Variants in DMXL2 observed in about 807,000 individuals in gnomAD.
The protein encoded by DMXL2 is dmX-like protein 2.
DMXL2 carries 103 observed loss-of-function variants against 331.1 expected under a neutral mutation model. The observed-to-expected ratio is 0.31, with a 90% CI of 0.27 to 0.37. The LOEUF is 0.37. Among genes scored for constraint, DMXL2 ranks in the 10% least tolerant of loss-of-function variants. DMXL2 has a pLI of 1.00. For synonymous variants in DMXL2, 1,281 were observed against 1,252.1 expected (o/e 1.02, Z -0.49); for missense variants, 3,171 against 3,642.9 (o/e 0.87, Z 3.33).
intron 33 of DMXL2, chr15:51,463,103 A>C (rs942294790): frequency 4.5e-6 from 1 of 223,868 alleles, no homozygotes; most frequent in African/African-American, 2.3e-5. Context: ...GCCATCCATC[A>C]CAATGTTTAT....
At position 51,561,478 on chromosome 15, in the gene DMXL2, C is replaced by T. The variant is rs77036595; in HGVS notation, c.567+1903G>A. Reference sequence around the variant, plus strand: ...CCAGACAGGCCAGTTCTGAGGCACCCGTGGTGGCAGAGGCAGGCCAGGCAT... The same window carrying T: ...CCAGACAGGCCAGTTCTGAGGCACCTGTGGTGGCAGAGGCAGGCCAGGCAT... On this transcript the variant is annotated intron_variant, in intron 6 of 43. Transcript: ENST00000560891. Among the ~76,000 whole-genome samples, 949 of 152,202 alleles carry T rather than the reference C, an allele frequency of 6.2e-3. 8 individuals are homozygous for T. Among genetic ancestry groups the T allele is most frequent in the African/African-American group, 0.022 (911 of 41,504 alleles).
chr15:51,501,702 C>G (rs1471770290), intron 17 of DMXL2, among the ~76,000 whole-genome samples: 1 of 151,178 alleles, frequency 6.6e-6, no homozygotes. Flanking sequence ...GGGCGGATCA[C>G]AAGGTCAGGA....
chr15:51,460,002 T>C lies in DMXL2; in HGVS notation c.7927-342A>G, dbSNP rs1402547689. The C allele has an allele frequency of 1.3e-5, 13 of 984,678 alleles. 1 individual carries two copies. In the South Asian group the frequency reaches 5.2e-4, roughly 39 times the overall value. The allele number at this position is 984,678 out of a possible 1,614,324, so 61.0% of individuals were successfully genotyped here. A position where few individuals can be genotyped will look rare whatever the true frequency, so the allele number is the denominator to read the frequency against. On this transcript the variant is annotated intron_variant, in intron 33 of 43. Coordinates refer to ENST00000560891, the MANE Select transcript of DMXL2 (RefSeq NM_001378457.1). ...TTGTATAAGCAGATGCAGAAGATGC[T>C]ACATAAATTCCTGCCCTATAGGGGT...
At chr15:51,463,675 T>C (rs1012783937) in intron 32 of DMXL2, among the ~76,000 whole-genome samples, 179 bp from the exon 33 acceptor site, 2 of 152,222 alleles carry the variant, frequency 1.3e-5, no homozygotes, top group Non-Finnish European at 2.9e-5. Flanking sequence ...CAGTTTACTT[T>C]TAATTTTTAG....
chr15:51,465,473 G>A, intron 31 of DMXL2, 93 bp downstream of exon 31: 1 of 890,002 alleles, frequency 1.1e-6, no homozygotes, highest in Non-Finnish European at 1.8e-6. Context: ...TATTTTTTAA[G>A]TACCAAATGA....
chr15:51,502,886 A>G lies in DMXL2; in HGVS notation c.2912T>C (p.Ile971Thr), dbSNP rs929185965. Residue 971 changes from isoleucine (I) to threonine (T), a missense_variant, in exon 17 of 44, where the codon ATT becomes ACT. Coordinates refer to ENST00000560891, the MANE Select transcript of DMXL2 (RefSeq NM_001378457.1). ...GCTATACACCAGTCTAGAACTCAGA[A>G]TAAGTTTACTGGCAGTTTGAAGATT... ...IANLQTASKL[I>T]LSSRLVYSQP... The G allele has an allele frequency of 5.6e-6, 9 of 1,614,132 alleles. No individual in the cohort carries two copies. The highest frequency in any genetic ancestry group is 7.6e-6 in the Non-Finnish European group (9 of 1,180,008).
intron 13 of DMXL2, among the ~76,000 whole-genome samples, chr15:51,528,184 C>T (rs916406800): frequency 9.5e-4 from 144 of 152,066 alleles, no homozygotes; most frequent in Non-Finnish European, 1.6e-3. Flanking sequence ...AGGAAGACCA[C>T]AAAACAACCA....
At chr15:51,613,086 T>C (rs557064848) in intron 1 of DMXL2, among the ~76,000 whole-genome samples, 6 of 152,352 alleles carry the variant, frequency 3.9e-5, no homozygotes, top group Non-Finnish European at 7.3e-5. Context: ...ATTGCTGTTA[T>C]CCTGTTCTTT....
intron 28 of DMXL2, among the ~76,000 whole-genome samples, chr15:51,473,414 T>C (rs1346676379): frequency 6.6e-6 from 1 of 152,098 alleles, no homozygotes; most frequent in African/African-American, 2.4e-5. Flanking sequence ...AAATAAACAA[T>C]TTTGGAGAAA....
intron 1 of DMXL2, among the ~76,000 whole-genome samples, chr15:51,599,613 A>G (rs1027611478): frequency 4.4e-4 from 67 of 152,396 alleles, no homozygotes; most frequent in African/African-American, 1.5e-3. Context: ...CATGTAATAT[A>G]TTCATATGTG....
intron 15 of DMXL2, among the ~76,000 whole-genome samples, chr15:51,513,593 T>C (rs758814698): frequency 6.6e-6 from 1 of 152,168 alleles, no homozygotes; most frequent in Admixed American, 6.5e-5. Flanking sequence ...ACAAATTACA[T>C]AGAAACAGTT....
chr15:51,590,562 T>A (rs1257650874), intron 1 of DMXL2, among the ~76,000 whole-genome samples: 1 of 150,882 alleles, frequency 6.6e-6, no homozygotes, highest in Non-Finnish European at 1.5e-5. Flanking sequence ...ACTAGTTCCA[T>A]TTTAATTTTT....
chr15:51,477,057 G>A (rs761779898), intron 26 of DMXL2, among the ~76,000 whole-genome samples: 7 of 151,892 alleles, frequency 4.6e-5, no homozygotes, highest in African/African-American at 7.2e-5. Flanking sequence ...ACTACTGCTG[G>A]TACTAGGATA....
intron 19 of DMXL2, among the ~76,000 whole-genome samples, chr15:51,494,639 A>G (rs912181514): frequency 1.3e-5 from 2 of 152,178 alleles, no homozygotes; most frequent in Non-Finnish European, 2.9e-5. Flanking sequence ...TAACTAGAAC[A>G]TAATGCTTAC....
chr15:51,531,026 T>A lies in DMXL2; in HGVS notation c.2436+4637A>T, dbSNP rs116031879. ...ACTGACATTCTTTATAGAAATTTTT[T>A]AAAGATTTAAAATTCATATGGAACC... is the stretch of plus-strand genomic sequence containing the variant. On this transcript the variant is annotated intron_variant, in intron 13 of 43. Coordinates refer to ENST00000560891, the MANE Select transcript of DMXL2 (RefSeq NM_001378457.1). 2.7e-3 allele frequency among the ~76,000 whole-genome samples: 416 copies of A among 152,234 alleles called. 4 individuals are homozygous for A. Among genetic ancestry groups the A allele is most frequent in the African/African-American group, 9.7e-3 (402 of 41,562 alleles).
In DMXL2 at chr15:51,498,899, G is replaced by C. The variant is rs2043376075; in HGVS notation, c.4325C>G (p.Ser1442Cys). Reference protein sequence around the residue: ...YALLAADQDTSYRISEESTKI... With the variant: ...YALLAADQDTCYRISEESTKI... ...TGTACTTTCTTCTGAAATTCTGTAG[G>C]ATGTATCTTGATCTGCAGCAAGTAA... Residue 1442 changes from serine to cysteine, a missense_variant, in exon 18 of 44, where the codon TCC becomes TGC. Ser to Cys is a moderately radical substitution (Grantham distance 112). Around this residue, in one of 7 missense-constraint regions of DMXL2, gnomAD observed 1,674 missense variants for 1,780.2 expected, o/e 0.94. Coordinates refer to ENST00000560891, the MANE Select transcript of DMXL2 (RefSeq NM_001378457.1). 1 of 1,613,982 alleles carries C rather than the reference G, an allele frequency of 6.2e-7. No individual in the cohort carries two copies. Among genetic ancestry groups the C allele is most frequent in the Non-Finnish European group, 8.5e-7 (1 of 1,180,006 alleles).
At chr15:51,606,701 A>G (rs2053611588) in intron 1 of DMXL2, among the ~76,000 whole-genome samples, 2 of 152,218 alleles carry the variant, frequency 1.3e-5, no homozygotes, top group Non-Finnish European at 2.9e-5. Context: ...AAAGTCAACA[A>G]TATCTATCAC....
intron 1 of DMXL2, among the ~76,000 whole-genome samples, chr15:51,581,302 C>G (rs780717708): frequency 6.6e-6 from 1 of 152,146 alleles, no homozygotes; most frequent in Non-Finnish European, 1.5e-5. Flanking sequence ...TGAATCATCC[C>G]AAAACCATCC....
At chr15:51,606,567 A>C (rs2053603118) in intron 1 of DMXL2, among the ~76,000 whole-genome samples, 2 of 152,214 alleles carry the variant, frequency 1.3e-5, no homozygotes, top group Admixed American at 1.3e-4. Flanking sequence ...CGCTTGAATT[A>C]ATGTCTTCCC....
Sources: allele counts gnomAD v4.1 joint callset (sites outside exome capture counted in the v4.1 genomes callset), GRCh38; gene constraint gnomAD v4.1.1; regional missense constraint gnomAD v4.1.1; transcripts MANE v1.5; gene names NCBI Gene and HGNC (gene_info 2026-07-23, HGNC 2026-07-21).